LMF1: variants seen among roughly 807,000 people sequenced by gnomAD.
LMF1 encodes lipase maturation factor 1.
Under a neutral mutation model 60.6 loss-of-function variants are expected in LMF1, and 68 were observed. The observed-to-expected ratio is 1.12, with a 90% CI of 0.92 to 1.37. LMF1 has a LOEUF of 1.37. Ranked by LOEUF, LMF1 falls within the 40% of genes most tolerant of loss-of-function variation. LMF1 has a pLI of 0.00. For synonymous variants in LMF1, 418 were observed against 324.7 expected (o/e 1.29, Z -3.09); for missense variants, 948 against 767.2 (o/e 1.24, Z -2.78).
At chr16:911,398 G>A (rs2071108725) in intron 3 of LMF1, among the ~76,000 whole-genome samples, 1 of 152,154 alleles carries the variant, frequency 6.6e-6, no homozygotes, top group Non-Finnish European at 1.5e-5. Context: ...TGACATCTGA[G>A]AATGCGCCCT....
At chr16:887,720 G>T (rs2070352006) in intron 5 of LMF1, among the ~76,000 whole-genome samples, 1 of 152,174 alleles carries the variant, frequency 6.6e-6, no homozygotes, top group Non-Finnish European at 1.5e-5. Context: ...CTCAGGGTGA[G>T]CAGGGTGGTC....
chr16:937,735 T>C (rs957093865), intron 2 of LMF1, among the ~76,000 whole-genome samples: 9 of 152,362 alleles, frequency 5.9e-5, no homozygotes, highest in Middle Eastern at 3.4e-3. Context: ...ACTTCATGTA[T>C]AAATATTTGT....
chr16:870,878 G>T lies in LMF1; in HGVS notation c.1083C>A (p.Ser361=). 1 of 1,606,148 alleles carries T rather than the reference G, an allele frequency of 6.2e-7. No individual in the cohort carries two copies. The highest frequency in any genetic ancestry group is 1.1e-5 in the South Asian group (1 of 90,806). The change falls in exon 8 of 11, where the codon TCC becomes TCA. Residue 361 remains serine, a synonymous_variant. Coordinates refer to ENST00000262301, the MANE Select transcript of LMF1 (RefSeq NM_022773.4). ...RGARPEPRFG[S]VVRRAANVSL... is the part of the protein sequence containing the mutation. ...AGACGTTGGCTGCACGCCGCACCAC[G>T]GAGCCTGGCAGGGGAGTGACATCTT...
upstream of LMF1, among the ~76,000 whole-genome samples, chr16:971,462 C>T (rs1345157843): frequency 6.6e-6 from 1 of 152,248 alleles, no homozygotes; most frequent in East Asian, 1.9e-4. Context: ...GCGATCGTCG[C>T]AGCCAGCAAG....
chr16:909,624 C>G (rs58245056), intron 4 of LMF1, among the ~76,000 whole-genome samples: 1 of 152,280 alleles, frequency 6.6e-6, no homozygotes, highest in Non-Finnish European at 1.5e-5. Context: ...CCGAGCCACA[C>G]TTCATGCTAC....
At position 885,845 on chromosome 16, in the gene LMF1, G is replaced by A. The variant is rs534526613; in HGVS notation, c.730-6108C>T. 7.2e-5 allele frequency among the ~76,000 whole-genome samples: 11 copies of A among 152,308 alleles called. No homozygotes were observed. In the South Asian group the frequency reaches 2.1e-3, roughly 29 times the overall value. On this transcript the variant is annotated intron_variant, in intron 5 of 10. Transcript: ENST00000262301. ...GCAGAAAATGAGGACGTACAGAAGA[G>A]TTGAAAAACACTATTGGCCAATTTG...
chr16:854,438 C>A lies in LMF1; in HGVS notation c.*94G>T, dbSNP rs1211943879. 4 of 1,297,702 alleles carry A rather than the reference C, an allele frequency of 3.1e-6. No homozygotes were observed. In the South Asian group the frequency reaches 5.1e-5, roughly 17 times the overall value. 80.4% of individuals were successfully genotyped at this position (1,297,702 alleles called of 1,614,324 possible). ...CCACCGCTCTCCTCTCCACGTCTCT[C>A]TTGGCGATGCCCAGCTTGGGCTGGG... On this transcript the variant is annotated 3_prime_UTR_variant, in exon 11 of 11. Transcript: ENST00000262301.
chr16:893,355 G>A (rs747021296), intron 4 of LMF1: 7 of 558,834 alleles, frequency 1.3e-5, no homozygotes, highest in South Asian at 4.6e-5. Flanking sequence ...AGAGCTCCAC[G>A]CATCATCACG....
chr16:882,354 C>G (rs148201499), intron 5 of LMF1, among the ~76,000 whole-genome samples: 2 of 152,206 alleles, frequency 1.3e-5, no homozygotes, highest in South Asian at 4.1e-4. Flanking sequence ...GAGAATGCAG[C>G]GTGAGTGATG....
chr16:893,995 C>T (rs1004799804), intron 4 of LMF1, among the ~76,000 whole-genome samples: 4 of 150,410 alleles, frequency 2.7e-5, no homozygotes, highest in Non-Finnish European at 4.4e-5. Context: ...CTGTCCACCC[C>T]ACTGTCCACC....
At chr16:979,024 C>T in intron 1 of LMF1, 1 of 454,040 alleles carries the variant, frequency 2.2e-6, no homozygotes, top group South Asian at 1.6e-5. Flanking sequence ...TTTGGAGTTA[C>T]CTGCTGCCTG....
chr16:933,815 G>T, intron 3 of LMF1: 1 of 492,826 alleles, frequency 2.0e-6, no homozygotes, highest in Non-Finnish European at 3.3e-6. Flanking sequence ...GTGTGGGATG[G>T]GGAAGACCTC....
intron 3 of LMF1, among the ~76,000 whole-genome samples, chr16:919,330 A>AC (rs2071365977): frequency 6.6e-6 from 1 of 151,504 alleles, no homozygotes; most frequent in Non-Finnish European, 1.5e-5. Context: ...GGCGGGAATC[A>AC]CCCCACATGC....
At chr16:931,994 C>T (rs113888820) in intron 3 of LMF1, among the ~76,000 whole-genome samples, 7,488 of 152,328 alleles carry the variant, frequency 0.049, 206 homozygotes, top group Non-Finnish European at 0.066. Context: ...GGGCTGGGAG[C>T]GCAAGCGCAG....
intron 1 of LMF1, among the ~76,000 whole-genome samples, chr16:965,136 C>T (rs772627308): frequency 1.4e-4 from 22 of 152,262 alleles, no homozygotes. Flanking sequence ...GCAGTCCAGG[C>T]TGTCCCCGTC....
intron 2 of LMF1, among the ~76,000 whole-genome samples, chr16:952,929 ACCCACCCCAAAC>A (rs1387391301): frequency 6.1e-5 from 7 of 115,330 alleles, no homozygotes; most frequent in East Asian, 5.4e-4. Context: ...CCACACAGAC[ACCCACCCCAAAC>A]CAGCCTCCTG....
chr16:916,549 G>C (rs1393309244), intron 3 of LMF1, among the ~76,000 whole-genome samples: 5 of 152,226 alleles, frequency 3.3e-5, no homozygotes, highest in Non-Finnish European at 7.3e-5. Flanking sequence ...CCTGGGGCTG[G>C]ATGATGGGGG....
At position 870,607 on chromosome 16, in the gene LMF1, G is replaced by T. The variant is rs2069754473; in HGVS notation, c.1232+122C>A. On this transcript the variant is annotated intron_variant, in intron 8 of 10. Transcript: ENST00000262301. Reference sequence around the variant, plus strand: ...ACGGCCTGTGCCTGGGTCAGGCTGGGGTGGGGCAGGGGACACTTGGGGTCA... The same window carrying T: ...ACGGCCTGTGCCTGGGTCAGGCTGGTGTGGGGCAGGGGACACTTGGGGTCA... 5.2e-6 allele frequency: 6 copies of T among 1,155,736 alleles called. No individual in the cohort carries two copies. In the South Asian group the frequency reaches 6.8e-5, roughly 13 times the overall value. The allele number at this position is 1,155,736 out of a possible 1,614,324, so 71.6% of individuals were successfully genotyped here. A position where few individuals can be genotyped will look rare whatever the true frequency, so the allele number is the denominator to read the frequency against.
At chr16:958,229 A>G (rs756080293) in intron 1 of LMF1, among the ~76,000 whole-genome samples, 14 of 152,274 alleles carry the variant, frequency 9.2e-5, no homozygotes, top group Non-Finnish European at 1.8e-4. Context: ...CTATGAAATT[A>G]GAAACTGTAA....
Sources: allele counts gnomAD v4.1 joint callset (sites outside exome capture counted in the v4.1 genomes callset), GRCh38; gene constraint gnomAD v4.1.1; transcripts MANE v1.5; gene names NCBI Gene and HGNC (gene_info 2026-07-23, HGNC 2026-07-21).